EGFR: variants seen among roughly 807,000 people sequenced by gnomAD.
EGFR encodes avian erythroblastic leukemia viral (v-erb-b) oncogene homolog.
In EGFR, 58 loss-of-function variants were observed where a neutral mutation model predicts 143.0. The ratio of observed to expected loss-of-function variants is 0.41; its 90% CI spans 0.33 to 0.50. EGFR has a LOEUF of 0.50. Among genes scored for constraint, EGFR ranks in the 20% least tolerant of loss-of-function variants. EGFR has a pLI of 0.39. For synonymous variants in EGFR, 613 were observed against 594.4 expected (o/e 1.03, Z -0.45); for missense variants, 1,307 against 1,579.0 (o/e 0.83, Z 2.92).
intron 1 of EGFR, among the ~76,000 whole-genome samples, chr7:55,112,417 C>A (rs6593206): frequency 0.68 from 102,782 of 152,146 alleles, 35,110 homozygotes; most frequent in East Asian, 0.99. Context: ...TCAAACCCAT[C>A]ATTTGGAGTC....
At chr7:55,041,351 C>T (rs1299626557) in intron 1 of EGFR, among the ~76,000 whole-genome samples, 1 of 152,018 alleles carries the variant, frequency 6.6e-6, no homozygotes, top group Non-Finnish European at 1.5e-5. Context: ...GTAGAGGTTG[C>T]AGTGAGCCGA....
chr7:55,135,859 CCTT>C (rs1479241617), intron 1 of EGFR, among the ~76,000 whole-genome samples: 1 of 151,924 alleles, frequency 6.6e-6, no homozygotes, highest in East Asian at 1.9e-4. Flanking sequence ...TTTAAGATAG[CCTT>C]CTTTAGCCTT....
chr7:55,099,527 A>T (rs953955703), intron 1 of EGFR, among the ~76,000 whole-genome samples: 1 of 152,186 alleles, frequency 6.6e-6, no homozygotes, highest in African/African-American at 2.4e-5. Context: ...GGAGGGGGGA[A>T]TTCGGGAGCT....
At chr7:55,157,064 C>A in intron 10 of EGFR, 1 of 1,086,578 alleles carries the variant, frequency 9.2e-7, no homozygotes, top group Non-Finnish European at 1.3e-6. Context: ...TTCTCCCTCC[C>A]GCCCGGCCCC....
chr7:55,054,286 T>C (rs999645029), intron 1 of EGFR, among the ~76,000 whole-genome samples: 1 of 152,264 alleles, frequency 6.6e-6, no homozygotes, highest in Non-Finnish European at 1.5e-5. Context: ...TGAGTGACCT[T>C]GAGCAAGTTT....
chr7:55,184,189 G>T (rs766876163), intron 20 of EGFR, among the ~76,000 whole-genome samples: 10 of 152,180 alleles, frequency 6.6e-5, no homozygotes, highest in African/African-American at 9.7e-5. Context: ...GAGCCCCTTC[G>T]CATCGCCCAC....
At chr7:55,195,839 A>G (rs1787590922) in intron 22 of EGFR, among the ~76,000 whole-genome samples, 1 of 152,164 alleles carries the variant, frequency 6.6e-6, no homozygotes, top group East Asian at 1.9e-4. Context: ...TGTTCTTGCA[A>G]AGTACATGAT....
At chr7:55,178,362 A>C (rs1163683051) in intron 19 of EGFR, among the ~76,000 whole-genome samples, 5 of 152,236 alleles carry the variant, frequency 3.3e-5, no homozygotes, top group Admixed American at 3.3e-4. Flanking sequence ...AAGGGAACGC[A>C]AAACAGATTT....
intron 20 of EGFR, chr7:55,181,823 A>C (rs1584239645): frequency 2.7e-6 from 1 of 365,736 alleles, no homozygotes; most frequent in Non-Finnish European, 5.2e-6. Context: ...TCCCCCATTC[A>C]GGACTTGATA....
chr7:55,186,889 A>G (rs766500804), intron 20 of EGFR, among the ~76,000 whole-genome samples: 10 of 152,228 alleles, frequency 6.6e-5, no homozygotes, highest in African/African-American at 1.7e-4. Flanking sequence ...TTTGAATGGA[A>G]TGGGTCTGTC....
chr7:55,068,187 T>C (rs184829548), intron 1 of EGFR, among the ~76,000 whole-genome samples: 2 of 152,314 alleles, frequency 1.3e-5, no homozygotes, highest in Admixed American at 1.3e-4. Context: ...GTTGTTTTGG[T>C]TTGGCTCTTC....
chr7:55,104,334 A>G (rs952799623), intron 1 of EGFR, among the ~76,000 whole-genome samples: 1 of 152,190 alleles, frequency 6.6e-6, no homozygotes, highest in Non-Finnish European at 1.5e-5. Context: ...CGTCCTCCGT[A>G]GGCTCCCAAC....
chr7:55,194,937 A>G (rs1348459809), intron 22 of EGFR, among the ~76,000 whole-genome samples: 1 of 152,220 alleles, frequency 6.6e-6, no homozygotes, highest in Non-Finnish European at 1.5e-5. Flanking sequence ...GTCAAGGTGA[A>G]TTATTCAATT....
chr7:55,101,350 T>C (rs1223591511), intron 1 of EGFR, among the ~76,000 whole-genome samples: 1 of 152,244 alleles, frequency 6.6e-6, no homozygotes, highest in Non-Finnish European at 1.5e-5. Flanking sequence ...ACAGTTCTGC[T>C]CCAGCATTTC....
intron 4 of EGFR, among the ~76,000 whole-genome samples, chr7:55,148,528 C>A (rs1036802664): frequency 6.6e-6 from 1 of 151,998 alleles, no homozygotes; most frequent in African/African-American, 2.4e-5. Flanking sequence ...ATAAGCCTAG[C>A]AAAATCAAAA....
chr7:55,147,318 C>T (rs1423638539), intron 4 of EGFR, among the ~76,000 whole-genome samples: 7 of 152,206 alleles, frequency 4.6e-5, no homozygotes, highest in Admixed American at 6.5e-5. Flanking sequence ...GTCAGCGTGG[C>T]GCCCTGACTC....
chr7:55,150,408 G>A (rs1293990904), intron 4 of EGFR, among the ~76,000 whole-genome samples: 3 of 152,112 alleles, frequency 2.0e-5, no homozygotes, highest in African/African-American at 4.8e-5. Context: ...GGCAATTAGC[G>A]CCCTTTGCCT....
rs1787671993 is a variant in EGFR at position 55,037,691 on chromosome 7, G to A, written c.88+18326G>A. 2.0e-5 allele frequency among the ~76,000 whole-genome samples: 3 copies of A among 152,064 alleles called. 1 individual carries two copies. The highest frequency in any genetic ancestry group is 4.1e-4 in the South Asian group (2 of 4,830). On this transcript the variant is annotated intron_variant, in intron 1 of 27. Coordinates refer to ENST00000275493, the MANE Select transcript of EGFR (RefSeq NM_005228.5). ...CATTTCTAAGTTGACATCAAAAATCGGTTACCATAAAATCCTAATAGTTGA... is the reference window on the plus strand; with the variant it reads ...CATTTCTAAGTTGACATCAAAAATCAGTTACCATAAAATCCTAATAGTTGA...
chr7:55,078,623 C>T (rs1562694935), intron 1 of EGFR, among the ~76,000 whole-genome samples: 1 of 152,248 alleles, frequency 6.6e-6, no homozygotes, highest in Non-Finnish European at 1.5e-5. Context: ...GGCACCACCA[C>T]TGATCATCTG....
Sources: gnomAD v4.1 joint callset for allele counts (sites outside exome capture counted in the v4.1 genomes callset) on GRCh38, gnomAD v4.1.1 for gene constraint, MANE v1.5 for transcripts, NCBI Gene and HGNC (gene_info 2026-07-23, HGNC 2026-07-21) for gene names.